Variants in FBXO32 observed in about 807,000 individuals in gnomAD.
The protein encoded by FBXO32 is F-box only protein 32.
In FBXO32, 15 loss-of-function variants were observed where a neutral mutation model predicts 48.3. That is an observed-to-expected ratio of 0.31 (90% CI 0.21 to 0.48). The LOEUF is 0.48. Among genes scored for constraint, FBXO32 ranks in the 20% least tolerant of loss-of-function variants. FBXO32 has a pLI of 0.99. For missense variants in FBXO32, 309 were observed against 432.7 expected (o/e 0.71, Z 2.54); for synonymous variants, 154 against 165.9 (o/e 0.93, Z 0.55).
At chr8:123,527,309 T>C (rs935258313) in intron 4 of FBXO32, 2 of 152,222 alleles carry the variant, frequency 1.3e-5, no homozygotes, top group African/African-American at 4.8e-5. Flanking sequence ...CAAGTTCAAG[T>C]TCTATATTAC....
At chr8:123,504,790 C>A in intron 7 of FBXO32, 43 bp from the exon 8 acceptor site, 2 of 1,593,056 alleles carry the variant, frequency 1.3e-6, no homozygotes, top group South Asian at 2.3e-5. Context: ...GAGAGTTTGT[C>A]AAGAAGATGG....
At chr8:123,514,162 C>T in intron 5 of FBXO32, 78 bp downstream of exon 5, 1 of 983,974 alleles carries the variant, frequency 1.0e-6, no homozygotes, top group Admixed American at 2.4e-5. Flanking sequence ...AGTCTAATGA[C>T]ACGTCCACTT....
rs190812056 is a variant in FBXO32 at position 123,503,269 on chromosome 8, A to G, written c.*104T>C. 104 of 894,160 alleles carry G rather than the reference A, an allele frequency of 1.2e-4. No individual in the cohort carries two copies. In the African/African-American group the frequency reaches 1.6e-3, roughly 14 times the overall value. The allele number at this position is 894,160 out of a possible 1,614,324, so 55.4% of individuals were successfully genotyped here. A position where few individuals can be genotyped will look rare whatever the true frequency, so the allele number is the denominator to read the frequency against. On this transcript the variant is annotated 3_prime_UTR_variant, in exon 9 of 9. Coordinates refer to ENST00000517956, the MANE Select transcript of FBXO32 (RefSeq NM_058229.4). ...GACTTATCTCTGAAGTTTCGAGCCA[A>G]TGTTTAAAATGTACACTATTTACAA... is the stretch of plus-strand genomic sequence containing the variant.
rs888710267 is a variant in FBXO32, at chr8:123,506,035, G to T, written c.834+357C>A. On this transcript the variant is annotated intron_variant, in intron 7 of 8. Coordinates refer to ENST00000517956, the MANE Select transcript of FBXO32 (RefSeq NM_058229.4). The surrounding 1 kb of genome is among the most constrained non-coding windows in gnomAD (Gnocchi z 4.0). ...GGCCAGGAGTTTGAGGTCAGCCTGG[G>T]CAACATAGAGAGACCCTATTTCTAC... is the stretch of plus-strand genomic sequence containing the variant. Among the ~76,000 whole-genome samples, 1 of 151,990 alleles carries T rather than the reference G, an allele frequency of 6.6e-6. No individual in the cohort carries two copies. The highest frequency in any genetic ancestry group is 1.5e-5 in the Non-Finnish European group (1 of 68,016).
intron 6 of FBXO32, among the ~76,000 whole-genome samples, chr8:123,508,591 G>A (rs919471937): frequency 5.3e-5 from 8 of 152,074 alleles, no homozygotes; most frequent in Admixed American, 2.6e-4. Context: ...TATACCGCTC[G>A]GTTCTACCCC....
intron 4 of FBXO32, among the ~76,000 whole-genome samples, chr8:123,518,524 T>C (rs979472896): frequency 6.6e-6 from 1 of 152,250 alleles, no homozygotes; most frequent in Non-Finnish European, 1.5e-5. Context: ...AATAGCACCC[T>C]ATCTGTTGAT....
chr8:123,536,019 T>G (rs1478239843), intron 1 of FBXO32, among the ~76,000 whole-genome samples: 3 of 152,204 alleles, frequency 2.0e-5, no homozygotes, highest in Non-Finnish European at 4.4e-5. Context: ...TTGAAGCAAC[T>G]TCTAGTATCT....
chr8:123,505,697 C>T (rs10092779), intron 7 of FBXO32, among the ~76,000 whole-genome samples: 56,795 of 152,060 alleles, frequency 0.37, 12,956 homozygotes, highest in African/African-American at 0.61. Flanking sequence ...AACTGCACCA[C>T]TGTACTCCAG....
At position 123,506,729 on chromosome 8, in the gene FBXO32, C is replaced by T; in HGVS notation, c.652-155G>A. ...GTAGTAAATCTCCCCATCCTAAATG[C>T]AGACAGGAGACCATGGCCATGACCC... On this transcript the variant is annotated intron_variant, in intron 6 of 8. Coordinates refer to ENST00000517956, the MANE Select transcript of FBXO32 (RefSeq NM_058229.4). The surrounding 1 kb of genome is among the most constrained non-coding windows in gnomAD (Gnocchi z 4.0). The T allele has an allele frequency of 3.2e-6, 2 of 634,328 alleles. No individual in the cohort carries two copies. The highest frequency in any genetic ancestry group is 5.6e-6 in the Non-Finnish European group (2 of 359,180). 39.3% of individuals were successfully genotyped at this position (634,328 alleles called of 1,614,324 possible).
intron 4 of FBXO32, among the ~76,000 whole-genome samples, chr8:123,530,544 A>G (rs1817179091): frequency 6.6e-6 from 1 of 152,172 alleles, no homozygotes; most frequent in Non-Finnish European, 1.5e-5. Flanking sequence ...TAATAAACCA[A>G]TTAGAAATAA....
intron 4 of FBXO32, among the ~76,000 whole-genome samples, chr8:123,526,188 T>C (rs1037164543): frequency 4.0e-5 from 6 of 151,860 alleles, no homozygotes; most frequent in Non-Finnish European, 7.4e-5. Flanking sequence ...AAGATCATAA[T>C]AACCAGCTTG....
Position 123,529,226 on chromosome 8 carries a change from G to A in FBXO32, c.372+2672C>T, listed in dbSNP as rs188210922. ...TCTCTAAGATTATTTAAAGCAAAGC[G>A]CTCATGATGTATTTTACAATTAGAT... On this transcript the variant is annotated intron_variant, in intron 4 of 8. Transcript: ENST00000517956. Among the ~76,000 whole-genome samples, 387 of 152,230 alleles carry A rather than the reference G, an allele frequency of 2.5e-3. 2 individuals are homozygous for A. The highest frequency in any genetic ancestry group is 3.9e-3 in the Non-Finnish European group (268 of 68,012).
At chr8:123,508,692 C>T (rs1816678598) in intron 6 of FBXO32, among the ~76,000 whole-genome samples, 1 of 152,212 alleles carries the variant, frequency 6.6e-6, no homozygotes, top group Non-Finnish European at 1.5e-5. Context: ...TTATCATCTC[C>T]TGCTGATCAT....
chr8:123,526,736 T>C (rs1341610327), intron 4 of FBXO32, among the ~76,000 whole-genome samples: 2 of 152,238 alleles, frequency 1.3e-5, no homozygotes, highest in African/African-American at 4.8e-5. Context: ...TGAAACTTCA[T>C]AGCCTATCTG....
In FBXO32 at chr8:123,503,359, T is replaced by C; in HGVS notation, c.*14A>G. The C allele has an allele frequency of 6.2e-7, 1 of 1,611,632 alleles. No homozygotes were observed. Among genetic ancestry groups the C allele is most frequent in the Non-Finnish European group, 8.5e-7 (1 of 1,177,714 alleles). Reference sequence around the variant, plus strand: ...GCAGGGGGACCCTTCTGAAGTGTTGTCATGTGCTGGGATTCAGAACTTGAA... The same window carrying C: ...GCAGGGGGACCCTTCTGAAGTGTTGCCATGTGCTGGGATTCAGAACTTGAA... On this transcript the variant is annotated 3_prime_UTR_variant, in exon 9 of 9. Coordinates refer to ENST00000517956, the MANE Select transcript of FBXO32 (RefSeq NM_058229.4).
chr8:123,518,988 A>ATT (rs143951455), intron 4 of FBXO32, among the ~76,000 whole-genome samples: 4 of 151,834 alleles, frequency 2.6e-5, no homozygotes, highest in Admixed American at 6.6e-5. Flanking sequence ...TGCCTGGCTA[A>ATT]TTTTTTTTAT....
chr8:123,519,794 T>A (rs1290967732), intron 4 of FBXO32, among the ~76,000 whole-genome samples: 1 of 152,038 alleles, frequency 6.6e-6, no homozygotes, highest in Non-Finnish European at 1.5e-5. Flanking sequence ...ATTTTTAAAT[T>A]TTTTAATTTT....
chr8:123,504,269 A>G (rs1180835989), intron 8 of FBXO32, among the ~76,000 whole-genome samples: 2 of 152,166 alleles, frequency 1.3e-5, no homozygotes, highest in African/African-American at 2.4e-5. Flanking sequence ...TACATCTATT[A>G]TGCATCAATG....
At chr8:123,537,704 C>A (rs567632384) in intron 1 of FBXO32, among the ~76,000 whole-genome samples, 1 of 152,292 alleles carries the variant, frequency 6.6e-6, no homozygotes, top group Non-Finnish European at 1.5e-5. Flanking sequence ...AAACAAACAG[C>A]CTAGTGTATA....
Sources: gnomAD v4.1 joint callset for allele counts (sites outside exome capture counted in the v4.1 genomes callset) on GRCh38, gnomAD v4.1.1 for gene constraint, Gnocchi (gnomAD v3.1) non-coding constraint, MANE v1.5 for transcripts, NCBI Gene and HGNC (gene_info 2026-07-23, HGNC 2026-07-21) for gene names.